Variants in MYO1H observed in about 807,000 individuals in gnomAD.
The protein encoded by MYO1H is unconventional myosin-Ih.
Under a neutral mutation model 149.3 loss-of-function variants are expected in MYO1H, and 118 were observed. The ratio of observed to expected loss-of-function variants is 0.79; its 90% confidence interval spans 0.68 to 0.92. MYO1H has a LOEUF of 0.92. MYO1H is among the 40% of genes least tolerant of loss of function. The probability of loss-of-function intolerance (pLI) is 0.00; values close to 1 mark genes in which losing one functional copy is unlikely to be tolerated. For missense variants in MYO1H, 1,212 were observed against 1,280.7 expected (o/e 0.95, Z 0.82); for synonymous variants, 447 against 465.2 (o/e 0.96, Z 0.50).
chr12:109,331,035 G>A, the MYO1H span, among the ~76,000 whole-genome samples: 3 of 152,216 alleles, frequency 2.0e-5, no homozygotes, highest in South Asian at 2.1e-4. Context: ...TGGGCATGGC[G>A]TTATGCCACG....
At chr12:109,443,288 A>ATGTGTGTG (rs1566045346) in intron 27 of MYO1H, among the ~76,000 whole-genome samples, 3 of 53,012 alleles carry the variant, frequency 5.7e-5, no homozygotes, top group Non-Finnish European at 1.2e-4. Context: ...ATGTGTACGT[A>ATGTGTGTG]TATATGTGTG....
chr12:109,434,987 A>T, intron 20 of MYO1H, 50 bp from the exon 21 acceptor site: 1 of 1,205,652 alleles, frequency 8.3e-7, no homozygotes, highest in African/African-American at 1.5e-5. Flanking sequence ...TCAACCCACT[A>T]GATGGTAAAC....
Position 109,441,542 on chromosome 12 carries a change from A to G in MYO1H, c.2539-73A>G, listed in dbSNP as rs1276518920. On this transcript the variant is annotated intron_variant, in intron 25 of 31. Transcript: ENST00000310903. Reference sequence around the variant, plus strand: ...TTATCCAGCAAAGGATGTGACCTCAATGGGTCTAGAGCTCTTCTATCCCAA... The same window carrying G: ...TTATCCAGCAAAGGATGTGACCTCAGTGGGTCTAGAGCTCTTCTATCCCAA... 114 of 939,184 alleles carry G rather than the reference A, an allele frequency of 1.2e-4. No homozygotes were observed. The South Asian group carries it at 1.8e-3, about 15-fold the overall frequency. The allele number at this position is 939,184 out of a possible 1,614,324, so 58.2% of individuals were successfully genotyped here.
chr12:109,372,290 A>G (rs1055335911), intron 1 of MYO1H, among the ~76,000 whole-genome samples: 14 of 151,892 alleles, frequency 9.2e-5, no homozygotes, highest in African/African-American at 3.4e-4. Flanking sequence ...ATCCTTCCAG[A>G]ATTGTTTTGG....
At chr12:109,338,594 C>G in the MYO1H span, among the ~76,000 whole-genome samples, 1 of 151,240 alleles carries the variant, frequency 6.6e-6, no homozygotes, top group Non-Finnish European at 1.5e-5. Context: ...ATGGTGAAAC[C>G]TTGTCTCTAC....
upstream of MYO1H, among the ~76,000 whole-genome samples, chr12:109,345,977 G>A (rs551542714): frequency 2.6e-5 from 4 of 152,154 alleles, no homozygotes; most frequent in African/African-American, 9.7e-5. Context: ...ATGGATATAG[G>A]ATTTCTTTTG....
intron 5 of MYO1H, 30 bp downstream of exon 5, chr12:109,397,842 G>T: frequency 6.5e-7 from 1 of 1,537,644 alleles, no homozygotes; most frequent in South Asian, 1.2e-5. Context: ...ACTGGTTCAT[G>T]GGGACCCCTT....
At chr12:109,393,390 T>G in exon 3 of MYO1H, 1 of 1,589,760 alleles carries the variant, frequency 6.3e-7, no homozygotes, top group Non-Finnish European at 8.6e-7. Flanking sequence ...GAATCTACAC[T>G]GTGAGCCAGA....
At chr12:109,326,808 C>T in the MYO1H span, among the ~76,000 whole-genome samples, 9 of 152,166 alleles carry the variant, frequency 5.9e-5, no homozygotes, top group African/African-American at 2.2e-4. Flanking sequence ...CATGTGCCAC[C>T]ATACCCGGTC....
At chr12:109,398,804 T>C (rs867487376) in intron 5 of MYO1H, among the ~76,000 whole-genome samples, 1 of 151,006 alleles carries the variant, frequency 6.6e-6, no homozygotes, top group Non-Finnish European at 1.5e-5. Flanking sequence ...CATGCCTGCT[T>C]ACCTGGCAGG....
intron 1 of MYO1H, 56 bp downstream of exon 1, chr12:109,348,028 A>G: frequency 2.5e-6 from 1 of 399,098 alleles, no homozygotes; most frequent in Non-Finnish European, 4.4e-6. Context: ...TTTTCTACCA[A>G]GAACTTTCCA....
intron 1 of MYO1H, among the ~76,000 whole-genome samples, chr12:109,358,140 G>A (rs1285602669): frequency 1.3e-5 from 2 of 151,380 alleles, no homozygotes; most frequent in Admixed American, 1.3e-4. Flanking sequence ...GGTTTGGCTC[G>A]ATGACCAGAG....
chr12:109,428,802 C>A (rs935195014), intron 19 of MYO1H, among the ~76,000 whole-genome samples: 10 of 125,912 alleles, frequency 7.9e-5, no homozygotes, highest in African/African-American at 2.6e-4. Flanking sequence ...CCACCTCACC[C>A]CCCTCCAAAC....
intron 1 of MYO1H, among the ~76,000 whole-genome samples, chr12:109,378,127 C>G (rs139192673): frequency 6.6e-6 from 1 of 151,896 alleles, no homozygotes; most frequent in Non-Finnish European, 1.5e-5. Flanking sequence ...GTGTACAGTT[C>G]ACTTGTTTTT....
intron 14 of MYO1H, among the ~76,000 whole-genome samples, chr12:109,415,203 A>G (rs1870851534): frequency 6.6e-6 from 1 of 152,134 alleles, no homozygotes; most frequent in African/African-American, 2.4e-5. Flanking sequence ...TGGGCCAGGC[A>G]CGGTGGCTTA....
intron 22 of MYO1H, among the ~76,000 whole-genome samples, chr12:109,438,046 C>A (rs1871939892): frequency 6.8e-6 from 1 of 146,874 alleles, no homozygotes; most frequent in South Asian, 2.1e-4. Context: ...CAAGATCACA[C>A]CATTGCACTC....
At chr12:109,311,359 T>C in the MYO1H span, among the ~76,000 whole-genome samples, 9 of 152,180 alleles carry the variant, frequency 5.9e-5, no homozygotes, top group Non-Finnish European at 1.3e-4. Flanking sequence ...AGTTCACTGC[T>C]TCAGGCCTGG....
chr12:109,422,489 A>T (rs1242999326), intron 16 of MYO1H, among the ~76,000 whole-genome samples: 2 of 152,154 alleles, frequency 1.3e-5, no homozygotes, highest in Non-Finnish European at 2.9e-5. Flanking sequence ...AGCTGTGGAG[A>T]ACACTGGAGT....
the MYO1H span, among the ~76,000 whole-genome samples, chr12:109,332,399 C>T: frequency 2.6e-4 from 39 of 152,094 alleles, no homozygotes; most frequent in African/African-American, 9.2e-4. Flanking sequence ...ATGAAGGGGG[C>T]CTGCCTTCAG....
Sources: gnomAD v4.1 joint callset for allele counts (sites outside exome capture counted in the v4.1 genomes callset) on GRCh38, gnomAD v4.1.1 for gene constraint, MANE v1.5 for transcripts, NCBI Gene and HGNC (gene_info 2026-07-23, HGNC 2026-07-21) for gene names.